Variants in AGPS observed in about 807,000 individuals in gnomAD.
The protein encoded by AGPS is alkyldihydroxyacetonephosphate synthase, peroxisomal.
A neutral mutation model predicts 90.7 loss-of-function variants in AGPS; 26 were observed. That is an observed-to-expected ratio of 0.29 (90% CI 0.21 to 0.40). AGPS has a LOEUF of 0.40. Ranked by LOEUF, AGPS falls within the 10% of genes least tolerant of loss-of-function variation. The pLI is 1.00. For synonymous variants in AGPS, 294 were observed against 285.3 expected (o/e 1.03, Z -0.31); for missense variants, 540 against 816.1 (o/e 0.66, Z 4.12).
Position 177,468,535 on chromosome 2 carries a change from C to T in AGPS, c.1105+11C>T. ...TCATGGGATCTGAAGGTAAATATAA[C>T]TGTAAATTTATTAAGAAAAAATACA... On this transcript the variant is annotated intron_variant, in intron 10 of 19. Transcript: ENST00000264167. 2 of 1,571,736 alleles carry T rather than the reference C, an allele frequency of 1.3e-6. No individual in the cohort carries two copies. Among genetic ancestry groups the T allele is most frequent in the East Asian group, 2.2e-5 (1 of 44,538 alleles).
rs753734924 is a variant in AGPS at position 177,468,400 on chromosome 2, G to T, written c.997-16G>T. ...AACAGATGTCTAGAATTTACATCGTGTATTGTATTAAACAGGTGGTTCATA... is the reference window on the plus strand; with the variant it reads ...AACAGATGTCTAGAATTTACATCGTTTATTGTATTAAACAGGTGGTTCATA... On this transcript the variant is annotated splice_polypyrimidine_tract_variant and intron_variant, in intron 9 of 19. Transcript: ENST00000264167. 1.0e-5 allele frequency: 15 copies of T among 1,453,298 alleles called. No individual in the cohort carries two copies. Among genetic ancestry groups the T allele is most frequent in the African/African-American group, 2.8e-5 (2 of 71,884 alleles). 90.0% of individuals were successfully genotyped at this position (1,453,298 alleles called of 1,614,324 possible). A position where few individuals can be genotyped will look rare whatever the true frequency, so the allele number is the denominator to read the frequency against.
intron 9 of AGPS, among the ~76,000 whole-genome samples, chr2:177,466,839 A>T (rs1036618728): frequency 2.6e-5 from 4 of 151,810 alleles, no homozygotes; most frequent in Non-Finnish European, 5.9e-5. Context: ...AAGAGTGTAG[A>T]GATGCCTGGG....
At chr2:177,475,347 G>A (rs541096099) in intron 10 of AGPS, among the ~76,000 whole-genome samples, 1 of 152,316 alleles carries the variant, frequency 6.6e-6, no homozygotes, top group Admixed American at 6.5e-5. Context: ...TAGGGGGTAA[G>A]ACAGCATAGT....
chr2:177,535,529 C>T (rs1392982772), intron 19 of AGPS, among the ~76,000 whole-genome samples: 1 of 152,120 alleles, frequency 6.6e-6, no homozygotes, highest in African/African-American at 2.4e-5. Flanking sequence ...AAATCTTGTA[C>T]TTTGAAGTGT....
intron 5 of AGPS, among the ~76,000 whole-genome samples, chr2:177,438,292 A>G (rs538815474): frequency 2.8e-4 from 43 of 152,304 alleles, no homozygotes; most frequent in Non-Finnish European, 5.9e-4. Flanking sequence ...TTGGCAGTGC[A>G]TGCCTGTAGT....
At chr2:177,508,724 C>T (rs4893956) in intron 16 of AGPS, among the ~76,000 whole-genome samples, 128,082 of 152,158 alleles carry the variant, frequency 0.84, 54,106 homozygotes, top group East Asian at 0.95. Flanking sequence ...TAAAAAAAAT[C>T]CTCAAAGAGA....
At chr2:177,468,108 A>G (rs1687508366) in intron 9 of AGPS, among the ~76,000 whole-genome samples, 2 of 152,100 alleles carry the variant, frequency 1.3e-5, no homozygotes, top group Admixed American at 6.5e-5. Flanking sequence ...GTTCTGTGCC[A>G]TATGGATAAC....
At chr2:177,485,426 G>T (rs7573086) in intron 11 of AGPS, among the ~76,000 whole-genome samples, 1 of 152,030 alleles carries the variant, frequency 6.6e-6, no homozygotes. Flanking sequence ...TAAATAGTTG[G>T]TGTAATCTGA....
intron 19 of AGPS, among the ~76,000 whole-genome samples, chr2:177,533,226 TTGTAGTTAGAG>T (rs1245059748): frequency 1.3e-5 from 2 of 152,192 alleles, no homozygotes; most frequent in African/African-American, 4.8e-5. Flanking sequence ...TGAAGCAATG[TTGTAGTTAGAG>T]TGTAAGAACA....
At chr2:177,499,307 T>C (rs569727140) in intron 13 of AGPS, among the ~76,000 whole-genome samples, 1 of 152,048 alleles carries the variant, frequency 6.6e-6, no homozygotes, top group South Asian at 2.1e-4. Context: ...TTTATTTGAT[T>C]CTTTATCATA....
intron 19 of AGPS, among the ~76,000 whole-genome samples, chr2:177,532,080 A>T (rs931436842): frequency 3.3e-5 from 5 of 152,176 alleles, no homozygotes; most frequent in Non-Finnish European, 5.9e-5. Context: ...GAATTCTTAG[A>T]CCGGACACTA....
In AGPS at chr2:177,498,622, A is replaced by G. The variant is rs1458209513; in HGVS notation, c.1362+857A>G. Among the ~76,000 whole-genome samples, 5 of 146,776 alleles carry G rather than the reference A, an allele frequency of 3.4e-5. No homozygotes were observed. In the South Asian group the frequency reaches 6.4e-4, roughly 19 times the overall value. On this transcript the variant is annotated intron_variant, in intron 13 of 19. Transcript: ENST00000264167. Reference sequence around the variant, plus strand: ...CACTCTCTCTCTCTTATACTAAATGAGAATTTAAAAAAAAAAAAGTCTTTA... The same window carrying G: ...CACTCTCTCTCTCTTATACTAAATGGGAATTTAAAAAAAAAAAAGTCTTTA...
intron 15 of AGPS, among the ~76,000 whole-genome samples, chr2:177,506,888 CT>C (rs138875922): frequency 0.014 from 2,094 of 151,908 alleles, 41 homozygotes; most frequent in African/African-American, 0.046. Flanking sequence ...GGATATTGGC[CT>C]TTTCCCCATA....
intron 5 of AGPS, among the ~76,000 whole-genome samples, chr2:177,438,599 A>G (rs1025287383): frequency 6.6e-6 from 1 of 152,002 alleles, no homozygotes; most frequent in Non-Finnish European, 1.5e-5. Context: ...TTCTCAGTGT[A>G]TATCCAGGTT....
chr2:177,393,239 G>A (rs1035728573), intron 1 of AGPS, 190 bp downstream of exon 1: 22 of 985,294 alleles, frequency 2.2e-5, no homozygotes, highest in Non-Finnish European at 2.5e-5. Flanking sequence ...AAGGGGGCGG[G>A]ATGGGATGGT....
intron 11 of AGPS, among the ~76,000 whole-genome samples, chr2:177,490,846 C>CTTT (rs61555724): frequency 0.026 from 1,519 of 58,030 alleles, 99 homozygotes; most frequent in Non-Finnish European, 0.031. Flanking sequence ...AAGTTGCAGA[C>CTTT]TTTTTTTTTT....
intron 11 of AGPS, among the ~76,000 whole-genome samples, chr2:177,491,650 T>A (rs1024104288): frequency 3.9e-5 from 6 of 152,054 alleles, no homozygotes; most frequent in Non-Finnish European, 8.8e-5. Context: ...AAGATATGTT[T>A]TATGAATAGT....
chr2:177,524,876 G>A (rs1574032755), intron 19 of AGPS, among the ~76,000 whole-genome samples: 1 of 152,132 alleles, frequency 6.6e-6, no homozygotes, highest in Admixed American at 6.6e-5. Context: ...TGGAAGGTGT[G>A]TGTCCATATC....
intron 1 of AGPS, among the ~76,000 whole-genome samples, chr2:177,419,095 T>C (rs1163489916): frequency 6.6e-6 from 1 of 151,952 alleles, no homozygotes; most frequent in Non-Finnish European, 1.5e-5. Context: ...CTTAATTTTA[T>C]GTATAGATGG....
Sources: gnomAD v4.1 joint callset for allele counts (sites outside exome capture counted in the v4.1 genomes callset) on GRCh38, gnomAD v4.1.1 for gene constraint, MANE v1.5 for transcripts, NCBI Gene and HGNC (gene_info 2026-07-23, HGNC 2026-07-21) for gene names.